AGBL4: variants seen among roughly 807,000 people sequenced by gnomAD.
The protein encoded by AGBL4 is cytosolic carboxypeptidase 6.
In AGBL4, 58 loss-of-function variants were observed where a neutral mutation model predicts 66.4. That is an observed-to-expected ratio of 0.87 (90% CI 0.71 to 1.09). AGBL4 has a LOEUF of 1.09. Among genes scored for constraint, AGBL4 ranks in the 50% least tolerant of loss-of-function variants. The probability of loss-of-function intolerance (pLI) is 0.00; values close to 1 mark genes in which losing one functional copy is unlikely to be tolerated. For missense variants in AGBL4, 579 were observed against 631.0 expected, an observed-to-expected ratio of 0.92 and a Z score of 0.88; for synonymous variants, 234 against 222.9, an observed-to-expected ratio of 1.05 and a Z score of -0.44.
At chr1:49,404,572 T>C (rs1272983843) in intron 3 of AGBL4, among the ~76,000 whole-genome samples, 2 of 152,240 alleles carry the variant, frequency 1.3e-5, no homozygotes, top group Non-Finnish European at 2.9e-5. Context: ...GTAGGCACCA[T>C]TACACTATAT....
At chr1:49,681,266 T>G (rs1003646795) in intron 3 of AGBL4, among the ~76,000 whole-genome samples, 6 of 152,190 alleles carry the variant, frequency 3.9e-5, no homozygotes, top group African/African-American at 1.4e-4. Context: ...CTATGACAGA[T>G]TACTTTTAAC....
At chr1:49,602,859 AT>A (rs1485213789) in intron 3 of AGBL4, among the ~76,000 whole-genome samples, 6 of 151,424 alleles carry the variant, frequency 4.0e-5, no homozygotes, top group South Asian at 2.1e-4. Context: ...AAATAAATAA[AT>A]AAATAAAAAT....
intron 3 of AGBL4, among the ~76,000 whole-genome samples, chr1:49,404,744 G>C (rs1369432454): frequency 6.6e-6 from 1 of 152,054 alleles, no homozygotes; most frequent in Non-Finnish European, 1.5e-5. Flanking sequence ...AATAATTTTT[G>C]TCAAGTTCTA....
At chr1:49,855,747 A>G (rs1458501864) in intron 1 of AGBL4, among the ~76,000 whole-genome samples, 1 of 152,208 alleles carries the variant, frequency 6.6e-6, no homozygotes, top group Non-Finnish European at 1.5e-5. Context: ...TACGTGATAA[A>G]GCAAAAGCAG....
At chr1:48,657,580 C>T (rs1051058292) in intron 7 of AGBL4, among the ~76,000 whole-genome samples, 1 of 152,118 alleles carries the variant, frequency 6.6e-6, no homozygotes, top group Non-Finnish European at 1.5e-5. Context: ...AGTCAGGAAC[C>T]AGGGTGGAAC....
chr1:48,606,372 T>A (rs952921620), intron 9 of AGBL4, among the ~76,000 whole-genome samples: 1 of 152,198 alleles, frequency 6.6e-6, no homozygotes, highest in Non-Finnish European at 1.5e-5. Context: ...CTTAGTTGAC[T>A]TCATGGCATT....
chr1:49,924,213 C>G (rs147927420), intron 1 of AGBL4, among the ~76,000 whole-genome samples: 3,528 of 152,230 alleles, frequency 0.023, 55 homozygotes, highest in South Asian at 0.04. Context: ...ACTGCATGTT[C>G]TCACTTACAA....
intron 1 of AGBL4, among the ~76,000 whole-genome samples, chr1:50,003,237 C>G (rs1353656712): frequency 6.6e-6 from 1 of 152,076 alleles, no homozygotes; most frequent in Non-Finnish European, 1.5e-5. Context: ...TATTAAATTC[C>G]CCATAACAAG....
intron 3 of AGBL4, among the ~76,000 whole-genome samples, chr1:49,618,661 C>T (rs1045720089): frequency 2.0e-5 from 3 of 151,926 alleles, no homozygotes; most frequent in Non-Finnish European, 4.4e-5. Context: ...AGAGACACAA[C>T]AACAAAAAAA....
chr1:49,263,876 A>T (rs1162655478), intron 3 of AGBL4, among the ~76,000 whole-genome samples: 1 of 152,184 alleles, frequency 6.6e-6, no homozygotes, highest in Non-Finnish European at 1.5e-5. Context: ...GAAAACAAAA[A>T]AGTAACTAAA....
chr1:49,347,752 C>T (rs1441311908), intron 3 of AGBL4, among the ~76,000 whole-genome samples: 1 of 150,916 alleles, frequency 6.6e-6, no homozygotes, highest in Non-Finnish European at 1.5e-5. Context: ...CCCAGCTACT[C>T]GGGAGGCTGC....
At chr1:49,013,200 CAA>C (rs1238131328) in intron 5 of AGBL4, among the ~76,000 whole-genome samples, 5 of 152,108 alleles carry the variant, frequency 3.3e-5, no homozygotes, top group African/African-American at 1.2e-4. Flanking sequence ...AGCAAATAAC[CAA>C]AGAGATGAGT....
chr1:49,973,620 TATAC>T (rs1658317899), intron 1 of AGBL4, among the ~76,000 whole-genome samples: 1 of 148,468 alleles, frequency 6.7e-6, no homozygotes, highest in South Asian at 2.1e-4. Context: ...GATTATCTAT[TATAC>T]ATATATATTA....
At position 49,787,299 on chromosome 1, in the gene AGBL4, A is replaced by G. The variant is rs2147919376; in HGVS notation, c.157+64097T>C. 1.3e-5 allele frequency among the ~76,000 whole-genome samples: 2 copies of G among 152,142 alleles called. 1 individual carries two copies. Among genetic ancestry groups the G allele is most frequent in the Middle Eastern group, 6.8e-3 (2 of 294 alleles). On this transcript the variant is annotated intron_variant, in intron 2 of 13. Coordinates refer to ENST00000371839, the MANE Select transcript of AGBL4 (RefSeq NM_032785.4). ...AGGTGGATCACGAGGTCAGGAAATC[A>G]AGACCATCCTGGCTAACACGGTAAA...
At chr1:49,715,517 C>T (rs1648046935) in intron 2 of AGBL4, among the ~76,000 whole-genome samples, 1 of 152,054 alleles carries the variant, frequency 6.6e-6, no homozygotes, top group African/African-American at 2.4e-5. Context: ...TATTCTGGTT[C>T]CAGATCCTTG....
intron 3 of AGBL4, among the ~76,000 whole-genome samples, chr1:49,667,751 T>C (rs1402093788): frequency 6.6e-6 from 1 of 152,234 alleles, no homozygotes; most frequent in East Asian, 1.9e-4. Flanking sequence ...ACTTTGTATA[T>C]GTAAAAGCTC....
rs767585722 is a variant in AGBL4, at chr1:48,759,178, G to A, written c.635-95937C>T. 1.8e-5 allele frequency: 29 copies of A among 1,613,836 alleles called. 1 individual carries two copies. The highest frequency in any genetic ancestry group is 7.7e-5 in the South Asian group (7 of 91,034). ...CGAGGCCTCCACGAAGACCTCTTCCGGACACGTGCTATGGCCCAGGCTCAG... is the reference window on the plus strand; with the variant it reads ...CGAGGCCTCCACGAAGACCTCTTCCAGACACGTGCTATGGCCCAGGCTCAG... On this transcript the variant is annotated intron_variant, in intron 6 of 13. Coordinates refer to ENST00000371839, the MANE Select transcript of AGBL4 (RefSeq NM_032785.4).
chr1:49,912,465 C>T lies in AGBL4; in HGVS notation c.35-60947G>A, dbSNP rs370938981. ...TTTTATAGTATGTAACATTACCAAA[C>T]ATTATTCAAAGTGTTTTATAAATTT... On this transcript the variant is annotated intron_variant, in intron 1 of 13. Transcript: ENST00000371839. Among the ~76,000 whole-genome samples, 52 of 152,310 alleles carry T rather than the reference C, an allele frequency of 3.4e-4. 1 individual carries two copies. In the South Asian group the frequency reaches 9.5e-3, roughly 28 times the overall value.
At chr1:48,937,510 T>G (rs1655580844) in intron 5 of AGBL4, among the ~76,000 whole-genome samples, 1 of 152,184 alleles carries the variant, frequency 6.6e-6, no homozygotes, top group African/African-American at 2.4e-5. Flanking sequence ...GATTATGGGT[T>G]TCAAGTATAT....
Sources: gnomAD v4.1 joint callset for allele counts (sites outside exome capture counted in the v4.1 genomes callset) on GRCh38, gnomAD v4.1.1 for gene constraint, MANE v1.5 for transcripts, NCBI Gene and HGNC (gene_info 2026-07-23, HGNC 2026-07-21) for gene names.